Variants in MAP1B observed in about 807,000 individuals in gnomAD.
The protein encoded by MAP1B is microtubule-associated protein 1B.
A neutral mutation model predicts 176.1 loss-of-function variants in MAP1B; 12 were observed. The observed-to-expected ratio is 0.07, with a 90% CI of 0.04 to 0.11. The LOEUF is 0.11. Ranked by LOEUF, MAP1B falls within the 10% of genes least tolerant of loss-of-function variation. The pLI is 1.00. For synonymous variants in MAP1B, 1,044 were observed against 1,135.0 expected, an observed-to-expected ratio of 0.92 and a Z score of 1.61; for missense variants, 2,523 against 2,990.5, an observed-to-expected ratio of 0.84 and a Z score of 3.65.
intron 2 of MAP1B, among the ~76,000 whole-genome samples, chr5:72,173,325 A>G (rs1746581827): frequency 1.3e-5 from 2 of 152,212 alleles, no homozygotes; most frequent in African/African-American, 2.4e-5. Context: ...TTTCTTCAGG[A>G]TAGGGGTAGC....
chr5:72,159,370 T>A (rs567928768), intron 2 of MAP1B, among the ~76,000 whole-genome samples: 2 of 152,358 alleles, frequency 1.3e-5, no homozygotes, highest in Non-Finnish European at 2.9e-5. Context: ...GAGTCCTTGG[T>A]GATTCTTTGG....
chr5:72,154,938 A>G (rs1162494378), intron 2 of MAP1B, among the ~76,000 whole-genome samples: 1 of 152,096 alleles, frequency 6.6e-6, no homozygotes, highest in Non-Finnish European at 1.5e-5. Flanking sequence ...CAAATTATTG[A>G]ATGTCATTAG....
chr5:72,128,443 G>C (rs1308219035), intron 2 of MAP1B, among the ~76,000 whole-genome samples: 1 of 150,646 alleles, frequency 6.6e-6, no homozygotes, highest in Admixed American at 6.6e-5. Context: ...CTGCTACAGA[G>C]AAAAAAGAAA....
chr5:72,197,389 C>A lies in MAP1B; in HGVS notation c.4034C>A (p.Ser1345Tyr). Reference protein sequence around the residue: ...PYYQSPTDEKSSHLPTEVIEK... With the variant: ...PYYQSPTDEKYSHLPTEVIEK... ...TATCAATCTCCTACTGACGAGAAAT[C>A]CAGTCATCTCCCTACAGAAGTCATT... The change falls in exon 5 of 7, where the codon TCC (serine) becomes TAC (tyrosine). Residue 1345 changes from serine (S) to tyrosine (Y), a missense_variant. Around this residue, in one of 4 missense-constraint regions of MAP1B, gnomAD observed 1,925 missense variants for 2,126.0 expected, o/e 0.91. Transcript: ENST00000296755. 2 of 1,614,180 alleles carry A rather than the reference C, an allele frequency of 1.2e-6. No individual in the cohort carries two copies. Among genetic ancestry groups the A allele is most frequent in the Non-Finnish European group, 1.7e-6 (2 of 1,180,022 alleles).
At chr5:72,131,203 TA>T (rs1294546639) in intron 2 of MAP1B, among the ~76,000 whole-genome samples, 16 of 152,228 alleles carry the variant, frequency 1.1e-4, no homozygotes, top group Non-Finnish European at 1.5e-4. Context: ...TCTAAATATG[TA>T]AAAGGAGAAA....
chr5:72,195,588 C>T lies in MAP1B; in HGVS notation c.2233C>T (p.Pro745Ser), dbSNP rs1201908801. 3.7e-6 allele frequency: 6 copies of T among 1,614,058 alleles called. No individual in the cohort carries two copies. The highest frequency in any genetic ancestry group is 1.3e-5 in the African/African-American group (1 of 74,898). The change falls in exon 5 of 7, where the codon CCT (proline) becomes TCT (serine). Residue 745 changes from proline to serine, a missense_variant. Coordinates refer to ENST00000296755, the MANE Select transcript of MAP1B (RefSeq NM_005909.5). ...TAAAGACGCAAAGAAATCATCTACT[C>T]CTCTGTCTGAAGCAAAAAAACCAGC... ...LPKDAKKSST[P>S]LSEAKKPAAL...
Position 72,197,352 on chromosome 5 carries a change from C to T in MAP1B, c.3997C>T (p.His1333Tyr), listed in dbSNP as rs747070995. The T allele has an allele frequency of 1.2e-6, 2 of 1,614,076 alleles. No individual in the cohort carries two copies. The highest frequency in any genetic ancestry group is 1.7e-6 in the Non-Finnish European group (2 of 1,180,032). The change falls in exon 5 of 7, where the codon CAC becomes TAC. Residue 1333 changes from histidine to tyrosine, a missense_variant. His to Tyr is a moderately conservative substitution (Grantham distance 83). Coordinates refer to ENST00000296755, the MANE Select transcript of MAP1B (RefSeq NM_005909.5). Reference protein sequence around the residue: ...PSQSVTGSAGHTPYYQSPTDE... With the variant: ...PSQSVTGSAGYTPYYQSPTDE... The stretch of plus-strand genomic sequence containing the variant: ...TCAGTCCGTGACTGGCAGTGCTGGT[C>T]ACACACCTTACTATCAATCTCCTAC...
rs536598767 is a variant in MAP1B, at chr5:72,199,524, T to A, written c.6169T>A (p.Tyr2057Asn). Residue 2057 changes from tyrosine to asparagine, a missense_variant, in exon 5 of 7, where the codon TAT becomes AAT. By Grantham distance (143) the Tyr-to-Asn change is moderately radical. Transcript: ENST00000296755. This position sits in a 1 kb window ranked among gnomAD's most constrained non-coding sequence, Gnocchi z 4.2. ...CACTAGAACCCCTCAGGCATCCACA[T>A]ATTCCTACGAGACTTCAGACCTATG... ...KITRTPQAST[Y>N]SYETSDLCYT... The A allele has an allele frequency of 1.4e-5, 23 of 1,614,146 alleles. No homozygotes were observed. The Admixed American group carries it at 3.3e-4, about 23-fold the overall frequency.
chr5:72,179,131 C>CAGA (rs1161571780), intron 2 of MAP1B, among the ~76,000 whole-genome samples: 1 of 152,156 alleles, frequency 6.6e-6, no homozygotes, highest in Admixed American at 6.5e-5. Context: ...CACACACAAT[C>CAGA]TTCTCCACTG....
rs1036852303 is a variant in MAP1B, at chr5:72,146,533, G to A, written c.286+30734G>A. On this transcript the variant is annotated intron_variant, in intron 2 of 6. Coordinates refer to ENST00000296755, the MANE Select transcript of MAP1B (RefSeq NM_005909.5). ...TGCTCTAAGCACTTTCTGTGTATGC[G>A]CCAATGTAATCCTCATAGCCTTCCA... 5.3e-5 allele frequency among the ~76,000 whole-genome samples: 8 copies of A among 152,102 alleles called. No individual in the cohort carries two copies. The East Asian group carries it at 7.7e-4, about 15-fold the overall frequency.
At chr5:72,121,244 T>C (rs532941222) in intron 2 of MAP1B, among the ~76,000 whole-genome samples, 3 of 152,258 alleles carry the variant, frequency 2.0e-5, no homozygotes, top group African/African-American at 4.8e-5. Flanking sequence ...TCCACGCCGT[T>C]CTACACTCGC....
intron 2 of MAP1B, among the ~76,000 whole-genome samples, chr5:72,145,296 A>C (rs1746024689): frequency 6.6e-6 from 1 of 152,146 alleles, no homozygotes; most frequent in African/African-American, 2.4e-5. Flanking sequence ...AGAAAATACG[A>C]AACCTCAGAG....
chr5:72,147,767 A>T (rs1031477395), intron 2 of MAP1B, among the ~76,000 whole-genome samples: 1 of 152,166 alleles, frequency 6.6e-6, no homozygotes, highest in African/African-American at 2.4e-5. Flanking sequence ...AAAATTGGTT[A>T]CTATTTGATG....
At chr5:72,146,278 T>C (rs1371098847) in intron 2 of MAP1B, among the ~76,000 whole-genome samples, 1 of 152,228 alleles carries the variant, frequency 6.6e-6, no homozygotes, top group East Asian at 1.9e-4. Context: ...ACTAGATTGC[T>C]TTTTTCATTA....
In MAP1B at chr5:72,195,812, T is replaced by C. The variant is rs1747147013; in HGVS notation, c.2457T>C (p.Pro819=). Residue 819 remains proline, a synonymous_variant, in exon 5 of 7, where the codon CCT becomes CCC. Transcript: ENST00000296755. ...CAGCTGGAATAGCAGCCATTGGCCC[T>C]GCCAAAGAACTCGAAGCTGAGAGGT... The part of the protein sequence containing the change: ...MAAAGIAAIG[P]AKELEAERSL... 6.2e-7 allele frequency: 1 copy of C among 1,614,126 alleles called. No individual in the cohort carries two copies. Among genetic ancestry groups the C allele is most frequent in the African/African-American group, 1.3e-5 (1 of 74,954 alleles).
In MAP1B at chr5:72,205,271, A is replaced by G; in HGVS notation, c.*32A>G. ...AGGCCAGCCACACCACAGGATCTGA[A>G]CTTTGTTTCCAGAAATTCTTCAATT... On this transcript the variant is annotated 3_prime_UTR_variant, in exon 7 of 7. Coordinates refer to ENST00000296755, the MANE Select transcript of MAP1B (RefSeq NM_005909.5). 2.5e-6 allele frequency: 4 copies of G among 1,575,220 alleles called. No individual in the cohort carries two copies. The South Asian group carries it at 3.5e-5, about 14-fold the overall frequency.
intron 2 of MAP1B, among the ~76,000 whole-genome samples, chr5:72,142,610 G>A (rs548268308): frequency 6.6e-6 from 1 of 151,978 alleles, no homozygotes; most frequent in South Asian, 2.1e-4. Flanking sequence ...TTTAAAAGAT[G>A]ATTTAAGGAG....
intron 1 of MAP1B, 105 bp from the exon 2 acceptor site, chr5:72,115,593 C>A (rs187196447): frequency 2.7e-6 from 2 of 728,694 alleles, no homozygotes; most frequent in Middle Eastern, 2.4e-4. Context: ...AAAAGGAGTT[C>A]CCACATCCTC....
In MAP1B at chr5:72,208,844, T is replaced by C. The variant is rs1328586681; in HGVS notation, c.*3605T>C. On this transcript the variant is annotated 3_prime_UTR_variant, in exon 7 of 7. Transcript: ENST00000296755. ...TTTCTTGCCTCTCTTTAGTCACCTG[T>C]CACAGGAGGTTCCTGCTCAGTAATG... is the stretch of plus-strand genomic sequence containing the variant. The C allele has an allele frequency of 2.6e-5, 4 of 152,178 alleles. No homozygotes were observed. In the East Asian group the frequency reaches 7.7e-4, roughly 29 times the overall value. 9.4% of individuals were successfully genotyped at this position (152,178 alleles called of 1,614,324 possible). A position where few individuals can be genotyped will look rare whatever the true frequency, so the allele number is the denominator to read the frequency against.
Sources: allele counts gnomAD v4.1 joint callset (sites outside exome capture counted in the v4.1 genomes callset), GRCh38; gene constraint gnomAD v4.1.1; regional missense constraint gnomAD v4.1.1; non-coding constraint Gnocchi (gnomAD v3.1); transcripts MANE v1.5; gene names NCBI Gene and HGNC (gene_info 2026-07-23, HGNC 2026-07-21).